Variants in SYNE2 observed in about 807,000 individuals in gnomAD.
The protein encoded by SYNE2 is nesprin-2.
SYNE2 carries 431 observed loss-of-function variants against 856.3 expected under a neutral mutation model. The observed-to-expected ratio is 0.50, with a 90% confidence interval of 0.47 to 0.55. The LOEUF is 0.55. SYNE2 is among the 20% of genes least tolerant of loss of function. SYNE2 has a pLI of 0.00. For synonymous variants in SYNE2, 2,923 were observed against 2,872.3 expected (o/e 1.02, Z -0.56); for missense variants, 8,129 against 8,023.2 (o/e 1.01, Z -0.50).
intron 60 of SYNE2, 75 bp from the exon 61 acceptor site, chr14:64,093,274 G>A (rs778888521): frequency 2.3e-5 from 36 of 1,560,222 alleles, no homozygotes; most frequent in Middle Eastern, 4.4e-4. Flanking sequence ...CTTCCATGGG[G>A]CTAGACAATG....
intron 19 of SYNE2, 28 bp from the exon 20 acceptor site, chr14:63,990,381 TTG>T (rs2096657875): frequency 1.2e-6 from 2 of 1,605,728 alleles, no homozygotes; most frequent in South Asian, 2.2e-5. Flanking sequence ...AGAATGTTTA[TTG>T]TGATCTCACT....
chr14:64,122,963 G>C (rs1359897028), intron 70 of SYNE2, among the ~76,000 whole-genome samples: 2 of 152,032 alleles, frequency 1.3e-5, no homozygotes, highest in Non-Finnish European at 2.9e-5. Flanking sequence ...GCTGGCCGTG[G>C]TGGTGCATGC....
At chr14:64,190,814 CA>C in intron 99 of SYNE2, 1 of 674,326 alleles carries the variant, frequency 1.5e-6, no homozygotes, top group Non-Finnish European at 2.7e-6. Flanking sequence ...CTATATTGGC[CA>C]GTGCAATCTT....
chr14:64,216,417 CTA>C (rs775692263), intron 108 of SYNE2, 30 bp downstream of exon 108: 2 of 1,610,010 alleles, frequency 1.2e-6, no homozygotes, highest in Non-Finnish European at 1.7e-6. Context: ...GGAGTACAGC[CTA>C]TGTCTGTGAG....
chr14:63,772,249 G>T (rs903181021), intron 1 of SYNE2, among the ~76,000 whole-genome samples: 1 of 152,072 alleles, frequency 6.6e-6, no homozygotes, highest in African/African-American at 2.4e-5. Flanking sequence ...AGCTACTTGG[G>T]GGGCTGAGGT....
intron 13 of SYNE2, 57 bp from the exon 14 acceptor site, chr14:63,978,795 T>G (rs1187312253): frequency 6.9e-7 from 1 of 1,455,078 alleles, no homozygotes; most frequent in African/African-American, 1.4e-5. Flanking sequence ...CTGAACAGAT[T>G]TCTCACATTT....
At chr14:63,789,215 A>G (rs1474069480) in intron 1 of SYNE2, among the ~76,000 whole-genome samples, 1 of 152,180 alleles carries the variant, frequency 6.6e-6, no homozygotes, top group Non-Finnish European at 1.5e-5. Flanking sequence ...CTTGGTGCCT[A>G]TGATCTGCTC....
chr14:64,165,509 C>G (rs545902591), intron 90 of SYNE2, 99 bp downstream of exon 90: 1 of 1,333,184 alleles, frequency 7.5e-7, no homozygotes, highest in East Asian at 2.3e-5. Flanking sequence ...TGCATCCTAA[C>G]TCACTCTTAT....
At chr14:63,981,279 T>C in intron 16 of SYNE2, 106 bp downstream of exon 16, 1 of 1,019,544 alleles carries the variant, frequency 9.8e-7, no homozygotes. Flanking sequence ...AGTACACCAG[T>C]GTTTTGGAAA....
In SYNE2 at chr14:63,986,604, A is replaced by T. The variant is rs138419017; in HGVS notation, c.2300A>T (p.Glu767Val). ...LDQDDVDTSM[E>V]ESLKHLIAKG... ...CAAGATGATGTGGACACCTCAATGG[A>T]AGAATCTTTGAAGGTATGTGTGTAA... The change falls in exon 19 of 116, where the codon GAA becomes GTA. Residue 767 changes from glutamate to valine, a missense_variant. This residue lies in a region of SYNE2 where 2,422 missense variants were observed against 2,357.4 expected (regional missense o/e 1.03). Transcript: ENST00000555002. The T allele has an allele frequency of 1.9e-5, 31 of 1,614,146 alleles. 1 individual carries two copies. In the Admixed American group the frequency reaches 5.2e-4, roughly 27 times the overall value.
chr14:63,762,406 G>C (rs1472303848), intron 1 of SYNE2, among the ~76,000 whole-genome samples: 3 of 142,972 alleles, frequency 2.1e-5, no homozygotes, highest in Admixed American at 7.3e-5. Flanking sequence ...TTGCACTCCA[G>C]CCTGGGCAAC....
Position 63,993,859 on chromosome 14 carries a change from A to G in SYNE2, c.2671A>G (p.Lys891Glu). ...HKEALIISNT[K>E]SLAKYLKAVE... ...GGAAGCACTAATAATTTCTAATACA[A>G]AAAGTCTGGCCAAGTATTTGAAAGC... is the stretch of plus-strand genomic sequence containing the variant. Residue 891 changes from lysine to glutamate, a missense_variant, in exon 22 of 116, where the codon AAA becomes GAA. Coordinates refer to ENST00000555002, the MANE Select transcript of SYNE2 (RefSeq NM_182914.3). 1 of 1,610,150 alleles carries G rather than the reference A, an allele frequency of 6.2e-7. No homozygotes were observed. Among genetic ancestry groups the G allele is most frequent in the Non-Finnish European group, 8.5e-7 (1 of 1,178,348 alleles).
chr14:64,211,958 C>T lies in SYNE2; in HGVS notation c.18724-3C>T. The T allele has an allele frequency of 6.2e-7, 1 of 1,614,034 alleles. No individual in the cohort carries two copies. The highest frequency in any genetic ancestry group is 8.5e-7 in the Non-Finnish European group (1 of 1,179,974). On this transcript the variant is annotated splice_polypyrimidine_tract_variant and splice_region_variant and intron_variant, in intron 103 of 115. Coordinates refer to ENST00000555002, the MANE Select transcript of SYNE2 (RefSeq NM_182914.3). ...AAATGTGATTTCCTCCCCACTTTTG[C>T]AGCATTTCACCAACCAGAGGGAAGA...
At position 63,990,968 on chromosome 14, in the gene SYNE2, G is replaced by A. The variant is rs761478156; in HGVS notation, c.2499G>A (p.Ala833=). Residue 833 remains alanine, a synonymous_variant, in exon 21 of 116, where the codon GCG becomes GCA. Coordinates refer to ENST00000555002, the MANE Select transcript of SYNE2 (RefSeq NM_182914.3). Reference sequence around the variant, plus strand: ...TCAATGTGGTAAAACTCATTGCAGCGTTGAAGAACTTAACTGACGTTTCAC... The same window carrying A: ...TCAATGTGGTAAAACTCATTGCAGCATTGAAGAACTTAACTGACGTTTCAC... The part of the protein sequence containing the change: ...VQINVVKLIA[A]LKNLTDVSPD... 2.0e-5 allele frequency: 33 copies of A among 1,614,094 alleles called. No individual in the cohort carries two copies. Among genetic ancestry groups the A allele is most frequent in the Middle Eastern group, 3.3e-4 (2 of 6,062 alleles).
In SYNE2 at chr14:64,167,553, C is replaced by A; in HGVS notation, c.16819C>A (p.Gln5607Lys). The change falls in exon 92 of 116, where the codon CAA becomes AAA. Residue 5607 changes from glutamine to lysine, a missense_variant. Around this residue, in one of 3 missense-constraint regions of SYNE2, gnomAD observed 5,410 missense variants for 5,284.8 expected, o/e 1.02. Coordinates refer to ENST00000555002, the MANE Select transcript of SYNE2 (RefSeq NM_182914.3). ...KFLYCCEKWI[Q>K]LLEKIEEALK... is the part of the protein sequence containing the mutation. ...TCTTTATTGCTGTGAAAAGTGGATC[C>A]AACTTTTGGAGAAGATAGAAGAAGC... 3 of 1,614,134 alleles carry A rather than the reference C, an allele frequency of 1.9e-6. No homozygotes were observed. Among genetic ancestry groups the A allele is most frequent in the Middle Eastern group, 1.6e-4 (1 of 6,062 alleles).
At chr14:63,929,005 A>T (rs1247899678) in intron 2 of SYNE2, among the ~76,000 whole-genome samples, 2 of 152,072 alleles carry the variant, frequency 1.3e-5, no homozygotes, top group African/African-American at 4.8e-5. Context: ...AACCACAGGG[A>T]TGTTAGGAAC....
Position 63,980,598 on chromosome 14 carries a change from TC to T in SYNE2, c.1570-55del, listed in dbSNP as rs1429592944. On this transcript the variant is annotated intron_variant, in intron 14 of 115. Coordinates refer to ENST00000555002, the MANE Select transcript of SYNE2 (RefSeq NM_182914.3). Reference sequence around the variant, plus strand: ...ATGGCTGTATCTCACTATCTGGATTTCTTGGCACAATTTTAAAAGTAAAAAC... The same window carrying T: ...ATGGCTGTATCTCACTATCTGGATTTTTGGCACAATTTTAAAAGTAAAAAC... 17 of 1,236,834 alleles carry T rather than the reference TC, an allele frequency of 1.4e-5. No individual in the cohort carries two copies. The African/African-American group carries it at 2.5e-4, about 18-fold the overall frequency. The allele number at this position is 1,236,834 out of a possible 1,614,324, so 76.6% of individuals were successfully genotyped here. A position where few individuals can be genotyped will look rare whatever the true frequency, so the allele number is the denominator to read the frequency against.
chr14:64,065,675 C>T (rs774149343), intron 51 of SYNE2, 25 bp downstream of exon 51: 21 of 1,611,344 alleles, frequency 1.3e-5, no homozygotes, highest in Non-Finnish European at 1.8e-5. Flanking sequence ...TTCAACAAAC[C>T]ATGTAGTTTC....
chr14:63,838,700 G>T (rs904737961), intron 1 of SYNE2, among the ~76,000 whole-genome samples: 1 of 151,992 alleles, frequency 6.6e-6, no homozygotes, highest in Admixed American at 6.6e-5. Flanking sequence ...GTAGAGATGG[G>T]ATCTCACTAT....
Sources: gnomAD v4.1 joint callset for allele counts (sites outside exome capture counted in the v4.1 genomes callset) on GRCh38, gnomAD v4.1.1 for gene constraint, gnomAD v4.1.1 regional missense constraint, MANE v1.5 for transcripts, NCBI Gene and HGNC (gene_info 2026-07-23, HGNC 2026-07-21) for gene names.